The following MCU variants were observed in gnomAD, a reference collection of about 807,000 sequenced individuals.
MCU encodes the protein calcium uniporter protein, mitochondrial.
Under a neutral mutation model 45.2 loss-of-function variants are expected in MCU, and 12 were observed. The ratio of observed to expected loss-of-function variants is 0.27; its 90% CI spans 0.17 to 0.43. The LOEUF is 0.43. Ranked by LOEUF, MCU falls within the 20% of genes least tolerant of loss-of-function variation. The probability of loss-of-function intolerance (pLI) is 1.00; values close to 1 mark genes in which losing one functional copy is unlikely to be tolerated. For synonymous variants in MCU, 160 were observed against 165.1 expected (o/e 0.97, Z 0.24); for missense variants, 324 against 436.7 (o/e 0.74, Z 2.30).
At chr10:72,692,387 A>G in intron 1 of MCU, 86 bp downstream of exon 1, 1 of 994,502 alleles carries the variant, frequency 1.0e-6, no homozygotes. Flanking sequence ...CCGGGGCAGC[A>G]GGCGAGTTAC....
At chr10:72,870,341 C>T (rs760186384) in intron 5 of MCU, among the ~76,000 whole-genome samples, 27 of 151,950 alleles carry the variant, frequency 1.8e-4, no homozygotes, top group Admixed American at 3.9e-4. Context: ...TGCAGTGGCA[C>T]GATCTCGGCT....
At chr10:72,728,335 TC>T (rs551235092) in intron 1 of MCU, among the ~76,000 whole-genome samples, 5 of 152,178 alleles carry the variant, frequency 3.3e-5, no homozygotes, top group Non-Finnish European at 5.9e-5. Flanking sequence ...GATGAGAAAT[TC>T]GCCAAACGAG....
chr10:72,692,795 C>T (rs759879629), intron 1 of MCU: 2 of 1,411,010 alleles, frequency 1.4e-6, no homozygotes, highest in Non-Finnish European at 1.8e-6. Flanking sequence ...CAGCCCAGGA[C>T]CCCGGCGGGG....
At chr10:72,694,696 G>A (rs532952265) in intron 1 of MCU, among the ~76,000 whole-genome samples, 1 of 152,320 alleles carries the variant, frequency 6.6e-6, no homozygotes, top group Admixed American at 6.5e-5. Context: ...GCATTGGAAT[G>A]GATCACAAGT....
intron 2 of MCU, among the ~76,000 whole-genome samples, chr10:72,845,091 T>TC (rs1214384864): frequency 6.6e-6 from 1 of 152,122 alleles, no homozygotes; most frequent in Admixed American, 6.5e-5. Flanking sequence ...AACAATGAAG[T>TC]ATTAGTATAG....
chr10:72,756,370 CTA>C (rs1255804256), intron 1 of MCU: 1 of 152,156 alleles, frequency 6.6e-6, no homozygotes, highest in Non-Finnish European at 1.5e-5. Context: ...TGTTATCAAT[CTA>C]TGTTTGGATT....
chr10:72,843,424 T>C (rs1432259195), intron 2 of MCU, among the ~76,000 whole-genome samples: 1 of 152,210 alleles, frequency 6.6e-6, no homozygotes, highest in African/African-American at 2.4e-5. Flanking sequence ...CCTTTTCTGA[T>C]TGACATCTTT....
chr10:72,870,227 A>G, intron 5 of MCU, among the ~76,000 whole-genome samples: 1 of 152,218 alleles, frequency 6.6e-6, no homozygotes, highest in Non-Finnish European at 1.5e-5. Flanking sequence ...TTCATCATTT[A>G]TAGATAGAAT....
chr10:72,874,525 C>T (rs1020328698), intron 6 of MCU, among the ~76,000 whole-genome samples: 3 of 152,184 alleles, frequency 2.0e-5, no homozygotes, highest in Admixed American at 1.3e-4. Flanking sequence ...TTAGTGGTCA[C>T]AGCCTATTTG....
At chr10:72,836,698 C>T (rs987727178) in intron 2 of MCU, among the ~76,000 whole-genome samples, 1 of 152,164 alleles carries the variant, frequency 6.6e-6, no homozygotes, top group South Asian at 2.1e-4. Flanking sequence ...CAAATTCCTA[C>T]CAACACTATC....
intron 1 of MCU, among the ~76,000 whole-genome samples, chr10:72,718,578 A>C (rs1842982013): frequency 6.6e-6 from 1 of 152,210 alleles, no homozygotes; most frequent in African/African-American, 2.4e-5. Context: ...AAAGTTCATT[A>C]GTTATTTACA....
intron 1 of MCU, among the ~76,000 whole-genome samples, chr10:72,800,568 A>G (rs976231672): frequency 2.0e-5 from 3 of 152,210 alleles, no homozygotes; most frequent in Non-Finnish European, 4.4e-5. Context: ...TAATGAGTCC[A>G]TATATCTTCC....
At chr10:72,849,416 T>C (rs574193919) in intron 2 of MCU, among the ~76,000 whole-genome samples, 37 of 152,278 alleles carry the variant, frequency 2.4e-4, no homozygotes, top group African/African-American at 8.4e-4. Context: ...GGTGGTGTTA[T>C]TGGTTGAGAT....
intron 4 of MCU, among the ~76,000 whole-genome samples, chr10:72,863,139 T>G (rs1845405018): frequency 6.6e-6 from 1 of 152,204 alleles, no homozygotes; most frequent in South Asian, 2.1e-4. Context: ...CTGCCTAAGA[T>G]GTCTTTCTTC....
At chr10:72,763,682 G>A (rs767676881) in intron 1 of MCU, among the ~76,000 whole-genome samples, 21 of 152,064 alleles carry the variant, frequency 1.4e-4, no homozygotes, top group Non-Finnish European at 2.5e-4. Context: ...TGAAACTGGC[G>A]AGTGACTTGA....
In MCU at chr10:72,794,842, T is replaced by A. The variant is rs543986108; in HGVS notation, c.151-39517T>A. Among the ~76,000 whole-genome samples, 3 of 152,306 alleles carry A rather than the reference T, an allele frequency of 2.0e-5. No individual in the cohort carries two copies. The East Asian group carries it at 5.8e-4, about 29-fold the overall frequency. ...ATAGCTTCCCCCACCTCCCGTTTGA[T>A]AGGGTCTATAGAGTACCTATGTAAA... On this transcript the variant is annotated intron_variant, in intron 1 of 7. Coordinates refer to ENST00000373053, the MANE Select transcript of MCU (RefSeq NM_138357.3).
chr10:72,784,511 T>A (rs1480046843), intron 1 of MCU, among the ~76,000 whole-genome samples: 1 of 152,178 alleles, frequency 6.6e-6, no homozygotes, highest in Admixed American at 6.6e-5. Flanking sequence ...AAAGAATAGA[T>A]TTAAGTAGGC....
At chr10:72,728,507 G>A (rs1843128919) in intron 1 of MCU, among the ~76,000 whole-genome samples, 1 of 152,218 alleles carries the variant, frequency 6.6e-6, no homozygotes, top group Non-Finnish European at 1.5e-5. Context: ...ATGACAAGGA[G>A]AAATCCATGT....
intron 1 of MCU, among the ~76,000 whole-genome samples, chr10:72,703,797 G>A (rs1178444014): frequency 2.0e-5 from 3 of 152,094 alleles, no homozygotes; most frequent in Non-Finnish European, 4.4e-5. Context: ...TCCAGAGGCT[G>A]AGACGTGAGA....
Sources: gnomAD v4.1 joint callset for allele counts (sites outside exome capture counted in the v4.1 genomes callset) on GRCh38, gnomAD v4.1.1 for gene constraint, MANE v1.5 for transcripts, NCBI Gene and HGNC (gene_info 2026-07-23, HGNC 2026-07-21) for gene names.